STXBP6: variants seen among roughly 807,000 people sequenced by gnomAD.
STXBP6 encodes the protein syntaxin binding protein 6.
In STXBP6, 21 loss-of-function variants were observed where a neutral mutation model predicts 26.9. That is an observed-to-expected ratio of 0.78 (90% confidence interval 0.55 to 1.12). STXBP6 has a LOEUF of 1.12. Among genes scored for constraint, STXBP6 ranks in the 50% most tolerant of loss-of-function variants. The probability of loss-of-function intolerance (pLI) is 0.00; values close to 1 mark genes in which losing one functional copy is unlikely to be tolerated. For synonymous variants in STXBP6, 97 were observed against 92.6 expected, an observed-to-expected ratio of 1.05 and a Z score of -0.27; for missense variants, 232 against 257.9, an observed-to-expected ratio of 0.90 and a Z score of 0.69.
chr14:24,934,731 T>A (rs2072537107), intron 2 of STXBP6, among the ~76,000 whole-genome samples: 1 of 151,994 alleles, frequency 6.6e-6, no homozygotes, highest in Non-Finnish European at 1.5e-5. Context: ...ATAATACAAC[T>A]AATAAAAGCC....
rs760455607 is a variant in STXBP6, at chr14:24,883,718, T to G, written c.155-26561A>C. Reference sequence around the variant, plus strand: ...GAATCACTGGGCTGGAATTAGTCAGTAGAGTTTCCACTGTGAAGATTTGGT... The same window carrying G: ...GAATCACTGGGCTGGAATTAGTCAGGAGAGTTTCCACTGTGAAGATTTGGT... On this transcript the variant is annotated intron_variant, in intron 2 of 5. Coordinates refer to ENST00000323944, the MANE Select transcript of STXBP6 (RefSeq NM_001394410.1). 5.9e-4 allele frequency among the ~76,000 whole-genome samples: 89 copies of G among 152,128 alleles called. 1 individual carries two copies. The highest frequency in any genetic ancestry group is 9.8e-4 in the Admixed American group (15 of 15,278).
intron 4 of STXBP6, among the ~76,000 whole-genome samples, chr14:24,830,385 A>G (rs922150080): frequency 5.9e-5 from 9 of 152,154 alleles, no homozygotes; most frequent in African/African-American, 2.2e-4. Flanking sequence ...CTGTACTAGG[A>G]TGATGTCAGT....
At chr14:24,940,654 C>T (rs919833477) in intron 2 of STXBP6, among the ~76,000 whole-genome samples, 2 of 152,124 alleles carry the variant, frequency 1.3e-5, no homozygotes, top group African/African-American at 2.4e-5. Flanking sequence ...CAATCATCTT[C>T]CTCCCTGACT....
At chr14:24,987,828 AAAAC>A (rs2074371193) in intron 1 of STXBP6, 3 of 985,524 alleles carry the variant, frequency 3.0e-6, no homozygotes, top group African/African-American at 1.7e-5. Flanking sequence ...AAAAAGGAGA[AAAAC>A]AAACAGAAAA....
intron 1 of STXBP6, among the ~76,000 whole-genome samples, chr14:24,999,900 C>A (rs534252881): frequency 1.3e-5 from 2 of 152,078 alleles, no homozygotes; most frequent in African/African-American, 4.8e-5. Flanking sequence ...GTTATGTGCC[C>A]GTGTCTGTAA....
At chr14:25,021,991 A>G (rs947781723) in intron 1 of STXBP6, among the ~76,000 whole-genome samples, 6 of 152,224 alleles carry the variant, frequency 3.9e-5, no homozygotes, top group Non-Finnish European at 8.8e-5. Context: ...AATAAAGCCC[A>G]TGCTCCAACT....
chr14:25,038,586 G>C (rs2075591456), intron 1 of STXBP6, among the ~76,000 whole-genome samples: 1 of 152,192 alleles, frequency 6.6e-6, no homozygotes, highest in Non-Finnish European at 1.5e-5. Context: ...AAAGAAGTCA[G>C]ACATAGGAAC....
intron 1 of STXBP6, among the ~76,000 whole-genome samples, chr14:25,037,658 CA>C (rs2075577209): frequency 6.6e-6 from 1 of 152,166 alleles, no homozygotes; most frequent in Admixed American, 6.5e-5. Context: ...TGCTATTTCC[CA>C]AAATCACTGT....
intron 1 of STXBP6, among the ~76,000 whole-genome samples, chr14:25,039,632 C>A (rs888590147): frequency 1.1e-4 from 16 of 152,184 alleles, no homozygotes; most frequent in South Asian, 2.1e-4. Context: ...GATTAGCCCT[C>A]TTCATTTCCT....
At chr14:24,986,086 A>G (rs2074324421) in intron 1 of STXBP6, among the ~76,000 whole-genome samples, 1 of 152,230 alleles carries the variant, frequency 6.6e-6, no homozygotes, top group Non-Finnish European at 1.5e-5. Flanking sequence ...TGATGATAAC[A>G]GAGAAAGAGA....
At chr14:24,919,244 T>A (rs922804925) in intron 2 of STXBP6, among the ~76,000 whole-genome samples, 1 of 151,982 alleles carries the variant, frequency 6.6e-6, no homozygotes, top group Admixed American at 6.6e-5. Flanking sequence ...AATAACCTTA[T>A]CACCAAGTCT....
chr14:24,972,460 C>T (rs2073932131), intron 2 of STXBP6, among the ~76,000 whole-genome samples: 1 of 152,174 alleles, frequency 6.6e-6, no homozygotes, highest in South Asian at 2.1e-4. Context: ...AACTATTCTT[C>T]AATTATACAT....
intron 2 of STXBP6, among the ~76,000 whole-genome samples, chr14:24,865,064 T>C (rs1594991588): frequency 5.7e-5 from 2 of 35,266 alleles, no homozygotes; most frequent in East Asian, 1.3e-3. Context: ...TTAAAAAATA[T>C]TTTAATTTTT....
At chr14:24,957,989 A>C (rs1266063029) in intron 2 of STXBP6, among the ~76,000 whole-genome samples, 1 of 152,184 alleles carries the variant, frequency 6.6e-6, no homozygotes, top group Non-Finnish European at 1.5e-5. Context: ...CATATCAGGA[A>C]AGAGTGATGC....
rs188313068 is a variant in STXBP6, at chr14:25,049,495, G to A, written c.-33+383C>T. On this transcript the variant is annotated intron_variant, in intron 1 of 5. Transcript: ENST00000323944. The surrounding 1 kb of genome is among the most constrained non-coding windows in gnomAD (Gnocchi z 5.6). The stretch of plus-strand genomic sequence containing the variant: ...GACCCCGAGCTCCCCCACACTGGGA[G>A]CCTCGGGGCAGCATTCTCGGGGCCC... 6 of 985,390 alleles carry A rather than the reference G, an allele frequency of 6.1e-6. No individual in the cohort carries two copies. The highest frequency in any genetic ancestry group is 7.2e-6 in the Non-Finnish European group (6 of 829,948). 61.0% of individuals were successfully genotyped at this position (985,390 alleles called of 1,614,324 possible).
chr14:24,896,914 G>A (rs954578394), intron 2 of STXBP6, among the ~76,000 whole-genome samples: 19 of 152,180 alleles, frequency 1.2e-4, no homozygotes, highest in Admixed American at 9.8e-4. Flanking sequence ...CATTTGGGGA[G>A]GGGGTTACTA....
chr14:25,036,841 G>T (rs1436151189), intron 1 of STXBP6, among the ~76,000 whole-genome samples: 1 of 127,224 alleles, frequency 7.9e-6, no homozygotes, highest in Non-Finnish European at 1.5e-5. Context: ...GGGCGACAGA[G>T]CAAGACTCCG....
intron 2 of STXBP6, among the ~76,000 whole-genome samples, chr14:24,877,577 C>T (rs538447079): frequency 1.5e-4 from 23 of 152,138 alleles, no homozygotes; most frequent in African/African-American, 2.2e-4. Flanking sequence ...CCTCAAGATT[C>T]GTGGAAAAAA....
At chr14:24,868,463 A>G (rs535640611) in intron 2 of STXBP6, among the ~76,000 whole-genome samples, 1 of 152,330 alleles carries the variant, frequency 6.6e-6, no homozygotes, top group East Asian at 1.9e-4. Context: ...TTGTATACAA[A>G]TGTTCAGAAC....
Sources: allele counts gnomAD v4.1 joint callset (sites outside exome capture counted in the v4.1 genomes callset), GRCh38; gene constraint gnomAD v4.1.1; non-coding constraint Gnocchi (gnomAD v3.1); transcripts MANE v1.5; gene names NCBI Gene and HGNC (gene_info 2026-07-23, HGNC 2026-07-21).